The following KCNB2 variants were observed in gnomAD, a reference collection of about 807,000 sequenced individuals.
KCNB2 encodes potassium voltage-gated channel subfamily B member 2.
A neutral mutation model predicts 61.5 loss-of-function variants in KCNB2; 15 were observed. That is an observed-to-expected ratio of 0.24 (90% CI 0.16 to 0.38). The LOEUF (loss-of-function observed/expected upper bound fraction) is 0.38. KCNB2 is among the 10% of genes least tolerant of loss of function. The pLI, the probability that KCNB2 is intolerant of heterozygous loss-of-function variation, is 1.00. For synonymous variants in KCNB2, 457 were observed against 446.0 expected, an observed-to-expected ratio of 1.02 and a Z score of -0.31; for missense variants, 828 against 1,125.2, an observed-to-expected ratio of 0.74 and a Z score of 3.78.
chr8:72,538,803 A>G (rs745444676), intron 1 of KCNB2, among the ~76,000 whole-genome samples: 3 of 152,158 alleles, frequency 2.0e-5, no homozygotes, highest in Non-Finnish European at 2.9e-5. Context: ...ATTTTTTGAA[A>G]CTGAGGGAAA....
At chr8:72,705,068 G>T (rs1807198550) in intron 2 of KCNB2, among the ~76,000 whole-genome samples, 1 of 152,194 alleles carries the variant, frequency 6.6e-6, no homozygotes, top group South Asian at 2.1e-4. Context: ...GTATGAAGCT[G>T]TGGGAGGTAA....
rs1019800816 is a variant in KCNB2 at position 72,800,065 on chromosome 8, T to G, written c.580-135870T>G. Reference sequence around the variant, plus strand: ...CAATTTAAATGTCATCTGTAGGCCTTAAACTTTGAAAGGTTTTGAGCATGG... The same window carrying G: ...CAATTTAAATGTCATCTGTAGGCCTGAAACTTTGAAAGGTTTTGAGCATGG... On this transcript the variant is annotated intron_variant, in intron 2 of 2. Coordinates refer to ENST00000523207, the MANE Select transcript of KCNB2 (RefSeq NM_004770.3). Among the ~76,000 whole-genome samples, 5 of 152,176 alleles carry G rather than the reference T, an allele frequency of 3.3e-5. No homozygotes were observed. The East Asian group carries it at 9.6e-4, about 29-fold the overall frequency.
chr8:72,821,084 A>G (rs1405815662), intron 2 of KCNB2, among the ~76,000 whole-genome samples: 4 of 152,146 alleles, frequency 2.6e-5, no homozygotes, highest in Non-Finnish European at 2.9e-5. Context: ...TTTCTTCTTC[A>G]ATTTTCATAT....
chr8:72,588,391 AT>A (rs1294029875), intron 2 of KCNB2, among the ~76,000 whole-genome samples: 3 of 151,644 alleles, frequency 2.0e-5, no homozygotes, highest in South Asian at 2.1e-4. Context: ...CTAATTTTGT[AT>A]TTTTAGTAGA....
At chr8:72,675,598 C>T (rs1229966399) in intron 2 of KCNB2, among the ~76,000 whole-genome samples, 3 of 151,712 alleles carry the variant, frequency 2.0e-5, no homozygotes, top group African/African-American at 4.9e-5. Context: ...CTGCAACCTC[C>T]GCTTCCTGGG....
chr8:72,835,538 G>A (rs1809767054), intron 2 of KCNB2, among the ~76,000 whole-genome samples: 1 of 152,154 alleles, frequency 6.6e-6, no homozygotes, highest in Non-Finnish European at 1.5e-5. Context: ...ACGGGAACTG[G>A]ACTTGACAAT....
At chr8:72,710,026 T>C (rs1325425207) in intron 2 of KCNB2, among the ~76,000 whole-genome samples, 1 of 152,154 alleles carries the variant, frequency 6.6e-6, no homozygotes, top group East Asian at 1.9e-4. Flanking sequence ...ACCCCAGGTG[T>C]CCATGGCCTT....
intron 2 of KCNB2, among the ~76,000 whole-genome samples, chr8:72,693,425 G>C (rs1806970218): frequency 6.6e-6 from 1 of 152,128 alleles, no homozygotes. Context: ...CTGTGCTCTT[G>C]TACAAGGTTC....
intron 2 of KCNB2, among the ~76,000 whole-genome samples, chr8:72,736,123 G>A (rs1807840334): frequency 6.6e-6 from 1 of 152,042 alleles, no homozygotes; most frequent in Non-Finnish European, 1.5e-5. Flanking sequence ...GAACTGATGT[G>A]AGGCTACTAA....
chr8:72,873,292 G>T (rs766350937), intron 2 of KCNB2, among the ~76,000 whole-genome samples: 2 of 152,222 alleles, frequency 1.3e-5, no homozygotes, highest in African/African-American at 2.4e-5. Context: ...TTGGTGAACG[G>T]CAAGGCAGTA....
At chr8:72,899,482 A>G (rs908746150) in intron 2 of KCNB2, among the ~76,000 whole-genome samples, 2 of 152,214 alleles carry the variant, frequency 1.3e-5, no homozygotes, top group African/African-American at 2.4e-5. Context: ...GGAAAACCCT[A>G]AAGACTAACC....
chr8:72,884,364 G>A (rs1438515456), intron 2 of KCNB2, among the ~76,000 whole-genome samples: 1 of 152,080 alleles, frequency 6.6e-6, no homozygotes, highest in African/African-American at 2.4e-5. Flanking sequence ...CAGTGTGTGT[G>A]TGTTAGCCGG....
At chr8:72,923,812 T>C (rs1320232810) in intron 2 of KCNB2, among the ~76,000 whole-genome samples, 3 of 152,182 alleles carry the variant, frequency 2.0e-5, no homozygotes, top group Non-Finnish European at 2.9e-5. Flanking sequence ...ACCCCTAACA[T>C]TATATAGTAG....
chr8:72,749,085 T>A (rs191841293), intron 2 of KCNB2, among the ~76,000 whole-genome samples: 3 of 152,254 alleles, frequency 2.0e-5, no homozygotes, highest in Admixed American at 2.0e-4. Context: ...AGTCCACTCA[T>A]AGATTCTACT....
At chr8:72,773,022 T>A (rs563899940) in intron 2 of KCNB2, among the ~76,000 whole-genome samples, 1 of 152,204 alleles carries the variant, frequency 6.6e-6, no homozygotes, top group Non-Finnish European at 1.5e-5. Flanking sequence ...CAAGTCCAGC[T>A]CACCCTGCCC....
chr8:72,702,697 G>GA (rs780860518), intron 2 of KCNB2, among the ~76,000 whole-genome samples: 3 of 152,110 alleles, frequency 2.0e-5, no homozygotes, highest in Non-Finnish European at 4.4e-5. Context: ...GAATCTGCTA[G>GA]AAAAAAATAG....
chr8:72,873,152 T>C (rs574888257), intron 2 of KCNB2, among the ~76,000 whole-genome samples: 2 of 152,322 alleles, frequency 1.3e-5, no homozygotes, highest in South Asian at 4.1e-4. Flanking sequence ...TGGTGACTTT[T>C]TGTCTTCAAA....
chr8:72,548,256 A>G (rs1194776171), intron 1 of KCNB2, among the ~76,000 whole-genome samples: 4 of 152,184 alleles, frequency 2.6e-5, no homozygotes, highest in Non-Finnish European at 5.9e-5. Flanking sequence ...CTAAACCTGT[A>G]ATATCTCTGA....
At chr8:72,892,772 C>A (rs751175458) in intron 2 of KCNB2, among the ~76,000 whole-genome samples, 1 of 152,060 alleles carries the variant, frequency 6.6e-6, no homozygotes, top group Admixed American at 6.6e-5. Flanking sequence ...TTTCTAAATC[C>A]TCTATGAAAA....
Sources: gnomAD v4.1 joint callset for allele counts (sites outside exome capture counted in the v4.1 genomes callset) on GRCh38, gnomAD v4.1.1 for gene constraint, MANE v1.5 for transcripts, NCBI Gene and HGNC (gene_info 2026-07-23, HGNC 2026-07-21) for gene names.